PUS10: variants seen among roughly 807,000 people sequenced by gnomAD.
PUS10 encodes the protein tRNA pseudouridine synthase Pus10.
Under a neutral mutation model 75.0 loss-of-function variants are expected in PUS10, and 59 were observed. The ratio of observed to expected loss-of-function variants is 0.79; its 90% CI spans 0.64 to 0.98. The LOEUF is 0.98. Ranked by LOEUF, PUS10 falls within the 50% of genes least tolerant of loss-of-function variation. The pLI is 0.00. For missense variants in PUS10, 650 were observed against 614.4 expected (o/e 1.06, Z -0.61); for synonymous variants, 219 against 211.6 (o/e 1.03, Z -0.30).
intron 1 of PUS10, among the ~76,000 whole-genome samples, chr2:61,014,931 G>A (rs1291475644): frequency 6.6e-6 from 1 of 152,106 alleles, no homozygotes; most frequent in African/African-American, 2.4e-5. Flanking sequence ...AGGAAGACAG[G>A]CATATAGTTA....
chr2:61,001,897 C>G (rs1216780110), intron 4 of PUS10, among the ~76,000 whole-genome samples: 1 of 152,140 alleles, frequency 6.6e-6, no homozygotes, highest in African/African-American at 2.4e-5. Context: ...AATTTATCTT[C>G]CAGCACAGAA....
intron 6 of PUS10, 74 bp downstream of exon 6, chr2:60,967,428 C>G: frequency 1.9e-6 from 2 of 1,059,978 alleles, no homozygotes; most frequent in Non-Finnish European, 1.4e-6. Flanking sequence ...TTTGGCTAAC[C>G]AAAACCCTGC....
chr2:60,976,159 T>G (rs1677023330), intron 4 of PUS10, among the ~76,000 whole-genome samples: 1 of 152,264 alleles, frequency 6.6e-6, no homozygotes, highest in Non-Finnish European at 1.5e-5. Context: ...TTAATGTGTT[T>G]GTAAAGACCC....
chr2:60,961,547 G>T lies in PUS10; in HGVS notation c.790C>A (p.Gln264Lys). ...GGTGAGTTTGGAGGACAAGGAAACT[G>T]CCTGCAAAACAAAATAAATTTTATA... The part of the protein sequence containing the change: ...NKIKEEDFLK[Q>K]FPCPPNSPKA... Residue 264 changes from glutamine (Q) to lysine (K), a missense_variant and splice_region_variant, in exon 10 of 18, where the codon CAG (glutamine) becomes AAG (lysine). Gln to Lys is a moderately conservative substitution (Grantham distance 53, BLOSUM62 1). Coordinates refer to ENST00000316752, the MANE Select transcript of PUS10 (RefSeq NM_144709.4). 6.2e-7 allele frequency: 1 copy of T among 1,612,026 alleles called. No individual in the cohort carries two copies. Among genetic ancestry groups the T allele is most frequent in the South Asian group, 1.1e-5 (1 of 91,024 alleles).
chr2:61,006,522 T>C, intron 4 of PUS10, 35 bp downstream of exon 4: 1 of 1,422,764 alleles, frequency 7.0e-7, no homozygotes, highest in Non-Finnish European at 9.9e-7. Flanking sequence ...TAGCATGCAC[T>C]TCACATACAG....
intron 5 of PUS10, among the ~76,000 whole-genome samples, chr2:60,970,664 G>C (rs1326784472): frequency 6.6e-6 from 1 of 152,038 alleles, no homozygotes; most frequent in African/African-American, 2.4e-5. Flanking sequence ...CGGGGGAGGG[G>C]ACGGAAATGA....
At chr2:60,971,921 A>G (rs62150966) in intron 4 of PUS10, among the ~76,000 whole-genome samples, 16,333 of 128,168 alleles carry the variant, frequency 0.13, 1,269 homozygotes, top group Middle Eastern at 0.18. Flanking sequence ...CCCAAGCTGG[A>G]GTGTACTGGC....
intron 1 of PUS10, chr2:61,017,695 GGT>G (rs1680093799): frequency 6.0e-6 from 8 of 1,327,234 alleles, no homozygotes; most frequent in Admixed American, 2.1e-5. Flanking sequence ...TTACGCTCCA[GGT>G]GCTGGTCTAC....
chr2:61,013,259 G>C (rs912175354), intron 1 of PUS10, among the ~76,000 whole-genome samples: 2 of 105,674 alleles, frequency 1.9e-5, no homozygotes, highest in Non-Finnish European at 4.0e-5. Context: ...TCTCTAAAAA[G>C]AAACAGAAAA....
At chr2:60,944,747 T>C (rs1422347684) in intron 17 of PUS10, among the ~76,000 whole-genome samples, 1 of 152,122 alleles carries the variant, frequency 6.6e-6, no homozygotes, top group Non-Finnish European at 1.5e-5. Flanking sequence ...TTTCCGTGCT[T>C]GGTTTAAGGG....
intron 17 of PUS10, among the ~76,000 whole-genome samples, chr2:60,944,496 C>T (rs150721980): frequency 7.9e-5 from 12 of 152,316 alleles, no homozygotes; most frequent in Non-Finnish European, 1.5e-4. Flanking sequence ...CCTATTGATA[C>T]TCAAATGAAA....
chr2:60,996,097 G>T (rs1049299489), intron 4 of PUS10, among the ~76,000 whole-genome samples: 1 of 152,170 alleles, frequency 6.6e-6, no homozygotes, highest in African/African-American at 2.4e-5. Flanking sequence ...CTTGCTTCTA[G>T]TCCTGCTTGA....
chr2:60,953,205 C>T (rs1675453095), intron 14 of PUS10, 91 bp from the exon 15 acceptor site: 4 of 715,012 alleles, frequency 5.6e-6, no homozygotes, highest in East Asian at 2.5e-5. Flanking sequence ...AAACAGTTTA[C>T]ATATAATTTC....
At chr2:60,960,893 G>A (rs1255380404) in intron 10 of PUS10, among the ~76,000 whole-genome samples, 2 of 148,264 alleles carry the variant, frequency 1.3e-5, no homozygotes, top group Admixed American at 6.7e-5. Context: ...CACCTGATGA[G>A]TAAAGCTACA....
Position 61,011,878 on chromosome 2 carries a change from T to C in PUS10, c.13A>G (p.Thr5Ala), listed in dbSNP as rs1679627516. Residue 5 changes from threonine (T) to alanine (A), a missense_variant, in exon 2 of 18, where the codon ACT becomes GCT. Coordinates refer to ENST00000316752, the MANE Select transcript of PUS10 (RefSeq NM_144709.4). ...TGGGCCACATGCTTGTTTTCCTCAG[T>C]CAGTGGGAACATATTGAATAATTAT... MFPL[T>A]EENKHVAQLL... 2 of 1,603,180 alleles carry C rather than the reference T, an allele frequency of 1.2e-6. No individual in the cohort carries two copies. The highest frequency in any genetic ancestry group is 4.5e-5 in the East Asian group (2 of 44,658).
intron 4 of PUS10, among the ~76,000 whole-genome samples, chr2:60,984,987 GAGTTGTT>G (rs1315158673): frequency 3.3e-5 from 5 of 152,138 alleles, no homozygotes; most frequent in African/African-American, 1.2e-4. Flanking sequence ...ACATACTTCT[GAGTTGTT>G]TGGCACTTTC....
intron 4 of PUS10, among the ~76,000 whole-genome samples, chr2:60,972,274 T>C (rs953486000): frequency 5.4e-4 from 81 of 149,878 alleles, no homozygotes; most frequent in South Asian, 1.5e-3. Flanking sequence ...CCATCCTGGC[T>C]AACACGGTGA....
At chr2:60,961,894 C>T (rs1171134518) in intron 9 of PUS10, among the ~76,000 whole-genome samples, 4 of 152,204 alleles carry the variant, frequency 2.6e-5, no homozygotes, top group Non-Finnish European at 5.9e-5. Flanking sequence ...GCTCTTTAAC[C>T]ATTTTGCTGT....
Position 61,011,881 on chromosome 2 carries a change from G to T in PUS10, c.10C>A (p.Leu4Met), listed in dbSNP as rs916969692. The T allele has an allele frequency of 1.3e-6, 2 of 1,599,592 alleles. No homozygotes were observed. The highest frequency in any genetic ancestry group is 1.7e-6 in the Non-Finnish European group (2 of 1,175,786). Reference protein sequence around the residue: MFPLTEENKHVAQL... With the variant: MFPMTEENKHVAQL... ...GCCACATGCTTGTTTTCCTCAGTCA[G>T]TGGGAACATATTGAATAATTATAAC... is the stretch of plus-strand genomic sequence containing the variant. Residue 4 changes from leucine (L) to methionine (M), a missense_variant, in exon 2 of 18, where the codon CTG (leucine) becomes ATG (methionine). By Grantham distance (15) the Leu-to-Met change is conservative. Coordinates refer to ENST00000316752, the MANE Select transcript of PUS10 (RefSeq NM_144709.4).
Sources: allele counts gnomAD v4.1 joint callset (sites outside exome capture counted in the v4.1 genomes callset), GRCh38; gene constraint gnomAD v4.1.1; transcripts MANE v1.5; gene names NCBI Gene and HGNC (gene_info 2026-07-23, HGNC 2026-07-21).